The following MCTP1 variants were observed in gnomAD, a reference collection of about 807,000 sequenced individuals.
The protein encoded by MCTP1 is multiple C2 and transmembrane domain containing 1.
A neutral mutation model predicts 120.6 loss-of-function variants in MCTP1; 69 were observed. The observed-to-expected ratio is 0.57, with a 90% CI of 0.47 to 0.70. MCTP1 has a LOEUF of 0.70. MCTP1 is among the 30% of genes least tolerant of loss of function. The pLI is 0.00. For synonymous variants in MCTP1, 529 were observed against 493.1 expected (o/e 1.07, Z -0.96); for missense variants, 1,203 against 1,248.8 (o/e 0.96, Z 0.55).
intron 17 of MCTP1, among the ~76,000 whole-genome samples, chr5:94,818,707 C>G (rs957381730): frequency 1.3e-5 from 2 of 152,190 alleles, no homozygotes; most frequent in Non-Finnish European, 2.9e-5. Flanking sequence ...CTTCTTTCTT[C>G]TTCTCAATGG....
At chr5:95,095,148 C>T (rs898163056) in intron 1 of MCTP1, among the ~76,000 whole-genome samples, 1 of 149,654 alleles carries the variant, frequency 6.7e-6, no homozygotes, top group Non-Finnish European at 1.5e-5. Context: ...CTCAGCCTCC[C>T]GAGTAGCTGG....
In MCTP1 at chr5:94,715,508, C is replaced by G. The variant is rs545837091; in HGVS notation, c.2611-622G>C. ...CATATATTTTATACGGTAGTATATG[C>G]TGTATTAGGTTCTAACTAAACATTT... On this transcript the variant is annotated intron_variant, in intron 19 of 22. Transcript: ENST00000515393. 2.0e-5 allele frequency among the ~76,000 whole-genome samples: 3 copies of G among 151,984 alleles called. No homozygotes were observed. In the East Asian group the frequency reaches 5.8e-4, roughly 29 times the overall value.
intron 1 of MCTP1, among the ~76,000 whole-genome samples, chr5:95,246,261 T>G (rs1454607889): frequency 6.6e-6 from 1 of 152,048 alleles, no homozygotes; most frequent in Non-Finnish European, 1.5e-5. Context: ...ATGAAGAAAC[T>G]CCATCAATTA....
At chr5:95,203,018 C>A (rs371416436) in intron 1 of MCTP1, among the ~76,000 whole-genome samples, 1 of 152,164 alleles carries the variant, frequency 6.6e-6, no homozygotes, top group African/African-American at 2.4e-5. Context: ...CATGAGCCAC[C>A]ACTCCCAGCT....
intron 1 of MCTP1, among the ~76,000 whole-genome samples, chr5:95,187,445 G>T (rs971623351): frequency 6.6e-6 from 1 of 152,274 alleles, no homozygotes; most frequent in Non-Finnish European, 1.5e-5. Flanking sequence ...TGTTGCCCAG[G>T]ATGGAGTGCG....
chr5:95,074,094 C>T (rs573686873), intron 1 of MCTP1, among the ~76,000 whole-genome samples: 10 of 152,080 alleles, frequency 6.6e-5, no homozygotes, highest in Non-Finnish European at 1.0e-4. Context: ...CCAGCCTGGG[C>T]GACAGAGTGA....
intron 2 of MCTP1, among the ~76,000 whole-genome samples, chr5:95,000,532 A>G (rs1372716174): frequency 6.6e-6 from 1 of 152,178 alleles, no homozygotes; most frequent in Non-Finnish European, 1.5e-5. Context: ...GGCCTTGGCT[A>G]ATGTGTGTGT....
intron 1 of MCTP1, among the ~76,000 whole-genome samples, chr5:95,252,240 A>G (rs1398917068): frequency 6.6e-6 from 1 of 152,116 alleles, no homozygotes; most frequent in Non-Finnish European, 1.5e-5. Flanking sequence ...CTTTACCCAA[A>G]GGAAAAATTA....
intron 1 of MCTP1, among the ~76,000 whole-genome samples, chr5:95,206,848 T>A (rs1458659722): frequency 6.6e-6 from 1 of 152,190 alleles, no homozygotes; most frequent in Non-Finnish European, 1.5e-5. Context: ...TTTATAGATA[T>A]TTTTTAAAGG....
intron 17 of MCTP1, among the ~76,000 whole-genome samples, chr5:94,832,355 A>G (rs1262154411): frequency 6.6e-6 from 1 of 152,218 alleles, no homozygotes. Flanking sequence ...GTAAGAAAAG[A>G]AAGTTCCCAG....
At chr5:94,812,496 C>CAAA in intron 17 of MCTP1, among the ~76,000 whole-genome samples, 1 of 135,412 alleles carries the variant, frequency 7.4e-6, no homozygotes, top group African/African-American at 2.7e-5. Context: ...TAAAACAAAA[C>CAAA]AAAAAAAAAA....
chr5:94,986,354 T>C (rs1830414178), intron 2 of MCTP1, among the ~76,000 whole-genome samples: 1 of 152,192 alleles, frequency 6.6e-6, no homozygotes, highest in Non-Finnish European at 1.5e-5. Flanking sequence ...CAAAGCAATG[T>C]ATACCCACTG....
chr5:94,878,107 A>G (rs1799300410), intron 12 of MCTP1, among the ~76,000 whole-genome samples: 1 of 152,178 alleles, frequency 6.6e-6, no homozygotes, highest in African/African-American at 2.4e-5. Context: ...TGAAATAACT[A>G]TATTTTAATC....
rs148896981 is a variant in MCTP1 at position 94,975,327 on chromosome 5, A to G, written c.839-21966T>C. The stretch of plus-strand genomic sequence containing the variant: ...CTTCAGGAGGCGATTAGGTTTGGAT[A>G]AGGTCATGAGGATGGTGCCCTCCTG... On this transcript the variant is annotated intron_variant, in intron 2 of 22. Transcript: ENST00000515393. Among the ~76,000 whole-genome samples the G allele has an allele frequency of 4.4e-3, 671 of 152,124 alleles. 20 individuals carry two copies. Among genetic ancestry groups the G allele is most frequent in the Admixed American group, 0.04 (611 of 15,246 alleles).
chr5:95,028,932 C>T (rs893830710), intron 1 of MCTP1, among the ~76,000 whole-genome samples: 8 of 152,210 alleles, frequency 5.3e-5, no homozygotes, highest in Non-Finnish European at 7.4e-5. Context: ...GAGACCAAGG[C>T]GGGCGATCGT....
At chr5:95,156,729 G>T (rs1745166245) in intron 1 of MCTP1, among the ~76,000 whole-genome samples, 1 of 152,168 alleles carries the variant, frequency 6.6e-6, no homozygotes, top group South Asian at 2.1e-4. Flanking sequence ...AACATTTATT[G>T]TAAGTGTTTT....
chr5:94,979,086 G>C (rs1356536016), intron 2 of MCTP1: 1 of 152,030 alleles, frequency 6.6e-6, no homozygotes, highest in Non-Finnish European at 1.5e-5. Context: ...ATAAGAAATA[G>C]ATCCCCAAAT....
rs11300597 is a variant in MCTP1 at position 94,798,101 on chromosome 5, T to TAA, written c.2556+910_2556+911dup. Among the ~76,000 whole-genome samples the TAA allele has an allele frequency of 1.6e-3, 231 of 148,256 alleles. 1 individual carries two copies. The highest frequency in any genetic ancestry group is 2.6e-3 in the Non-Finnish European group (174 of 67,028). On this transcript the variant is annotated intron_variant, in intron 18 of 22. Transcript: ENST00000515393. The stretch of plus-strand genomic sequence containing the variant: ...TAAATCAAATAGAGATCCTTGATGG[T>TAA]AAAAAAAAAAAAAACATAGTAATCT...
chr5:94,798,890 C>T (rs1339722582), intron 18 of MCTP1, 123 bp downstream of exon 18: 8 of 979,644 alleles, frequency 8.2e-6, no homozygotes, highest in Non-Finnish European at 1.2e-5. Flanking sequence ...ATAAAACTTT[C>T]CTCTAAACTT....
Sources: allele counts gnomAD v4.1 joint callset (sites outside exome capture counted in the v4.1 genomes callset), GRCh38; gene constraint gnomAD v4.1.1; transcripts MANE v1.5; gene names NCBI Gene and HGNC (gene_info 2026-07-23, HGNC 2026-07-21).